B3GLCT: variants seen among roughly 807,000 people sequenced by gnomAD.
B3GLCT encodes the protein beta-1,3-glucosyltransferase.
Under a neutral mutation model 63.4 loss-of-function variants are expected in B3GLCT, and 65 were observed. The ratio of observed to expected loss-of-function variants is 1.03; its 90% CI spans 0.84 to 1.26. The LOEUF is 1.26. Among genes scored for constraint, B3GLCT ranks in the 50% most tolerant of loss-of-function variants. The pLI, the probability that B3GLCT is intolerant of heterozygous loss-of-function variation, is 0.00. For missense variants in B3GLCT, 577 were observed against 604.8 expected, an observed-to-expected ratio of 0.95 and a Z score of 0.48; for synonymous variants, 233 against 219.2, an observed-to-expected ratio of 1.06 and a Z score of -0.55.
In B3GLCT at chr13:31,260,651, A is replaced by G. The variant is rs181348808; in HGVS notation, c.460-295A>G. ...TTTTCTTTGCCCTAATAGTCTTTTT[A>G]TATGGAATATTCTATAAAATACAAC... On this transcript the variant is annotated intron_variant, in intron 6 of 14. Coordinates refer to ENST00000343307, the MANE Select transcript of B3GLCT (RefSeq NM_194318.4). Among the ~76,000 whole-genome samples, 53 of 152,326 alleles carry G rather than the reference A, an allele frequency of 3.5e-4. No homozygotes were observed. The East Asian group carries it at 6.9e-3, about 20-fold the overall frequency.
Position 31,237,828 on chromosome 13 carries a change from A to G in B3GLCT, c.270+8534A>G, listed in dbSNP as rs75448120. Among the ~76,000 whole-genome samples, 138 of 152,248 alleles carry G rather than the reference A, an allele frequency of 9.1e-4. 3 individuals are homozygous for G. In the East Asian group the frequency reaches 0.026, roughly 29 times the overall value. ...GTCTCAGCAGCTTGGTGTGGCAGGT[A>G]TGCACCGTGCCTGTAAGGGACGGGA... On this transcript the variant is annotated intron_variant, in intron 4 of 14. Transcript: ENST00000343307.
At chr13:31,287,167 G>A (rs1253029361) in intron 12 of B3GLCT, among the ~76,000 whole-genome samples, 1 of 152,174 alleles carries the variant, frequency 6.6e-6, no homozygotes, top group Non-Finnish European at 1.5e-5. Flanking sequence ...GAGAGTCTCA[G>A]GAGACCAAGG....
At chr13:31,241,923 A>G (rs1000255589) in intron 4 of B3GLCT, among the ~76,000 whole-genome samples, 2 of 152,130 alleles carry the variant, frequency 1.3e-5, no homozygotes, top group Non-Finnish European at 2.9e-5. Flanking sequence ...TTTGGAGTAG[A>G]GAGAGTTGGA....
intron 12 of B3GLCT, among the ~76,000 whole-genome samples, chr13:31,314,214 T>C (rs1030949868): frequency 3.3e-5 from 5 of 152,148 alleles, no homozygotes; most frequent in African/African-American, 1.2e-4. Flanking sequence ...GAGTCCCTAC[T>C]GGGGCACCAC....
chr13:31,235,000 T>C (rs1282176525), intron 4 of B3GLCT, among the ~76,000 whole-genome samples: 1 of 152,110 alleles, frequency 6.6e-6, no homozygotes, highest in East Asian at 1.9e-4. Flanking sequence ...TGGGCCATGC[T>C]GCACAGGGCG....
intron 2 of B3GLCT, among the ~76,000 whole-genome samples, chr13:31,218,632 C>T (rs1869674062): frequency 1.3e-5 from 2 of 152,152 alleles, no homozygotes; most frequent in Non-Finnish European, 2.9e-5. Flanking sequence ...TAGTATCTTA[C>T]TGTCTGTGAA....
At chr13:31,295,555 T>C (rs1873892374) in intron 12 of B3GLCT, among the ~76,000 whole-genome samples, 1 of 152,192 alleles carries the variant, frequency 6.6e-6, no homozygotes, top group South Asian at 2.1e-4. Flanking sequence ...TACAGCAGCT[T>C]TGCCTAGCTG....
intron 12 of B3GLCT, among the ~76,000 whole-genome samples, chr13:31,290,008 C>G (rs1873572365): frequency 6.6e-6 from 1 of 152,082 alleles, no homozygotes; most frequent in Non-Finnish European, 1.5e-5. Context: ...TAATGCTACC[C>G]CTCCCCTAGC....
intron 12 of B3GLCT, 123 bp from the exon 13 acceptor site, chr13:31,317,443 C>A (rs561654175): frequency 2.1e-5 from 25 of 1,175,910 alleles, no homozygotes; most frequent in Non-Finnish European, 3.0e-5. Context: ...ACTCAAATTT[C>A]TTCTCTTAAC....
chr13:31,214,107 C>A (rs577590795), intron 1 of B3GLCT, among the ~76,000 whole-genome samples: 196 of 152,224 alleles, frequency 1.3e-3, no homozygotes, highest in African/African-American at 4.6e-3. Context: ...GTCTCCTCTG[C>A]CACCCAGGGA....
chr13:31,259,597 G>A (rs767478466), intron 6 of B3GLCT, among the ~76,000 whole-genome samples: 6 of 151,208 alleles, frequency 4.0e-5, no homozygotes, highest in Non-Finnish European at 8.8e-5. Flanking sequence ...ACTTGCATGC[G>A]GCATCTTGGG....
Position 31,330,050 on chromosome 13 carries a change from GTGA to G in B3GLCT, c.*383_*385del. 1 of 265,428 alleles carries G rather than the reference GTGA, an allele frequency of 3.8e-6. No homozygotes were observed. The highest frequency in any genetic ancestry group is 7.4e-6 in the Non-Finnish European group (1 of 135,862). 16.4% of individuals were successfully genotyped at this position (265,428 alleles called of 1,614,324 possible). A position where few individuals can be genotyped will look rare whatever the true frequency, so the allele number is the denominator to read the frequency against. On this transcript the variant is annotated 3_prime_UTR_variant, in exon 15 of 15. Coordinates refer to ENST00000343307, the MANE Select transcript of B3GLCT (RefSeq NM_194318.4). ...CAGTTGGGCATGAGCCTGGAGAGAT[GTGA>G]CTGTCTACAGTTCTATTTGTATATA...
intron 14 of B3GLCT, among the ~76,000 whole-genome samples, chr13:31,327,863 G>A (rs753785097): frequency 6.6e-6 from 1 of 152,168 alleles, no homozygotes; most frequent in Non-Finnish European, 1.5e-5. Context: ...TAGCAATTGT[G>A]AAAGTTCTCC....
intron 3 of B3GLCT, among the ~76,000 whole-genome samples, chr13:31,226,037 CT>C (rs1870085463): frequency 1.3e-5 from 2 of 152,246 alleles, no homozygotes; most frequent in African/African-American, 4.8e-5. Context: ...ATACCACAGG[CT>C]GTGGGCTCTG....
intron 12 of B3GLCT, among the ~76,000 whole-genome samples, chr13:31,316,301 T>A (rs1415380292): frequency 1.3e-5 from 2 of 150,598 alleles, no homozygotes; most frequent in Admixed American, 6.6e-5. Context: ...CCACAGGGGC[T>A]GTCCCCTGCA....
chr13:31,298,337 A>G (rs1874057679), intron 12 of B3GLCT, among the ~76,000 whole-genome samples: 1 of 152,214 alleles, frequency 6.6e-6, no homozygotes, highest in Non-Finnish European at 1.5e-5. Context: ...TTGCCACATT[A>G]GAGTCTCATT....
At chr13:31,297,989 G>C (rs1874042059) in intron 12 of B3GLCT, among the ~76,000 whole-genome samples, 1 of 152,140 alleles carries the variant, frequency 6.6e-6, no homozygotes, top group African/African-American at 2.4e-5. Flanking sequence ...CTCTCTTGGG[G>C]TTTATGAAGG....
chr13:31,247,765 C>A (rs889873749), intron 5 of B3GLCT, 90 bp from the exon 6 acceptor site: 8 of 693,722 alleles, frequency 1.2e-5, no homozygotes, highest in Non-Finnish European at 2.1e-5. Context: ...ATTCTGTGTA[C>A]CCTTCATTCA....
intron 1 of B3GLCT, among the ~76,000 whole-genome samples, chr13:31,206,252 CT>C (rs2137729652): frequency 6.6e-6 from 1 of 152,250 alleles, no homozygotes; most frequent in South Asian, 2.1e-4. Context: ...TCTGTGTGTC[CT>C]AAAGAAGCCT....
Sources: allele counts gnomAD v4.1 joint callset (sites outside exome capture counted in the v4.1 genomes callset), GRCh38; gene constraint gnomAD v4.1.1; transcripts MANE v1.5; gene names NCBI Gene and HGNC (gene_info 2026-07-23, HGNC 2026-07-21).